The following PIEZO2 variants were observed in gnomAD, a reference collection of about 807,000 sequenced individuals.
The protein encoded by PIEZO2 is piezo-type mechanosensitive ion channel component 2.
In PIEZO2, 172 loss-of-function variants were observed where a neutral mutation model predicts 337.3. The observed-to-expected ratio is 0.51, with a 90% CI of 0.45 to 0.58. The LOEUF (loss-of-function observed/expected upper bound fraction) is 0.58, where lower values mean the gene tolerates loss of function less well. PIEZO2 is among the 20% of genes least tolerant of loss of function. The probability of loss-of-function intolerance (pLI) is 0.00; values close to 1 mark genes in which losing one functional copy is unlikely to be tolerated. For missense variants in PIEZO2, 3,028 were observed against 3,391.3 expected (o/e 0.89, Z 2.66); for synonymous variants, 1,251 against 1,228.5 (o/e 1.02, Z -0.38).
At chr18:10,838,175 C>T (rs967526144) in intron 7 of PIEZO2, among the ~76,000 whole-genome samples, 2 of 152,190 alleles carry the variant, frequency 1.3e-5, no homozygotes, top group Non-Finnish European at 2.9e-5. Flanking sequence ...TCCTATAATA[C>T]TGTCTTTTAC....
At chr18:11,122,252 G>C (rs1457937514) in intron 1 of PIEZO2, among the ~76,000 whole-genome samples, 3 of 152,130 alleles carry the variant, frequency 2.0e-5, no homozygotes, top group African/African-American at 7.2e-5. Context: ...ACCGCACCCA[G>C]CAAGAAGACT....
rs1457049065 is a variant in PIEZO2 at position 10,878,988 on chromosome 18, G to T, written c.330-7573C>A. Among the ~76,000 whole-genome samples the T allele has an allele frequency of 6.6e-6, 1 of 152,196 alleles. No individual in the cohort carries two copies. The highest frequency in any genetic ancestry group is 1.9e-4 in the East Asian group (1 of 5,202). On this transcript the variant is annotated intron_variant, in intron 4 of 55. Transcript: ENST00000674853. This position sits in a 1 kb window ranked among gnomAD's most constrained non-coding sequence, Gnocchi z 4.3. ...AAACTGAAAGCCACATGGAGTTTGT[G>T]CCTGGGAGCAAAGTCATGGCTGATG... is the stretch of plus-strand genomic sequence containing the variant.
chr18:10,770,348 A>T (rs1345303156), intron 20 of PIEZO2, 40 bp from the exon 21 acceptor site: 19 of 1,489,150 alleles, frequency 1.3e-5, no homozygotes, highest in Admixed American at 2.3e-5. Flanking sequence ...TAACATTTTT[A>T]AAAATATTAT....
At chr18:11,042,346 G>A (rs1003552215) in intron 2 of PIEZO2, among the ~76,000 whole-genome samples, 7 of 152,178 alleles carry the variant, frequency 4.6e-5, no homozygotes, top group African/African-American at 7.2e-5. Context: ...CCCCACCCAC[G>A]CAGGCCTGCA....
chr18:10,993,443 C>A lies in PIEZO2; in HGVS notation c.161-13783G>T, dbSNP rs1003303753. 6.6e-6 allele frequency among the ~76,000 whole-genome samples: 1 copy of A among 152,090 alleles called. No individual in the cohort carries two copies. The highest frequency in any genetic ancestry group is 2.4e-5 in the African/African-American group (1 of 41,430). On this transcript the variant is annotated intron_variant, in intron 2 of 55. Coordinates refer to ENST00000674853, the MANE Select transcript of PIEZO2 (RefSeq NM_001378183.1). The surrounding 1 kb of genome is among the most constrained non-coding windows in gnomAD (Gnocchi z 5.0). ...AAGGGGTGTTGAATTTTGTTGAAAG[C>A]CTTTTCTGCATCTATTGAGATAATC...
rs2037414031 is a variant in PIEZO2, at chr18:11,048,824, C to A, written c.160+17303G>T. On this transcript the variant is annotated intron_variant, in intron 2 of 55. Transcript: ENST00000674853. This position sits in a 1 kb window ranked among gnomAD's most constrained non-coding sequence, Gnocchi z 4.5. ...GACAGTTGCCTGGCATATAGCTATA[C>A]TGTGTTTCCTGTTTATTCTTCTTAT... Among the ~76,000 whole-genome samples the A allele has an allele frequency of 6.6e-6, 1 of 152,174 alleles. No individual in the cohort carries two copies. Among genetic ancestry groups the A allele is most frequent in the African/African-American group, 2.4e-5 (1 of 41,444 alleles).
chr18:10,830,455 T>TC lies in PIEZO2; in HGVS notation c.918-23182dup, dbSNP rs140566563. Among the ~76,000 whole-genome samples, 1 of 150,856 alleles carries TC rather than the reference T, an allele frequency of 6.6e-6. No homozygotes were observed. Among genetic ancestry groups the TC allele is most frequent in the Non-Finnish European group, 1.5e-5 (1 of 67,872 alleles). ...ACCATTTATTGAAGAGACTGTCCTTTCCCCCCTTTTATGCCTCTGGTTGCA... is the reference window on the plus strand; with the variant it reads ...ACCATTTATTGAAGAGACTGTCCTTTCCCCCCCTTTTATGCCTCTGGTTGCA... On this transcript the variant is annotated intron_variant, in intron 7 of 55. Transcript: ENST00000674853. This position sits in a 1 kb window ranked among gnomAD's most constrained non-coding sequence, Gnocchi z 4.7.
intron 27 of PIEZO2, among the ~76,000 whole-genome samples, chr18:10,754,578 G>T (rs781661159): frequency 5.9e-5 from 9 of 152,204 alleles, no homozygotes; most frequent in Non-Finnish European, 1.3e-4. Flanking sequence ...GGTTTTTCAT[G>T]AATACATTGA....
At chr18:11,050,997 T>C (rs1479347759) in intron 2 of PIEZO2, among the ~76,000 whole-genome samples, 1 of 152,056 alleles carries the variant, frequency 6.6e-6, no homozygotes, top group Non-Finnish European at 1.5e-5. Context: ...AAAAATATTT[T>C]GGGGGCAAGG....
chr18:11,072,090 G>A (rs1462068616), intron 1 of PIEZO2, among the ~76,000 whole-genome samples: 2 of 152,056 alleles, frequency 1.3e-5, no homozygotes, highest in Non-Finnish European at 2.9e-5. Flanking sequence ...AGATTTCTTA[G>A]TCCCTGGTAC....
rs960094886 is a variant in PIEZO2 at position 10,942,259 on chromosome 18, A to C, written c.287-31031T>G. 6.6e-6 allele frequency among the ~76,000 whole-genome samples: 1 copy of C among 152,212 alleles called. No homozygotes were observed. The highest frequency in any genetic ancestry group is 1.5e-5 in the Non-Finnish European group (1 of 68,040). On this transcript the variant is annotated intron_variant, in intron 3 of 55. Coordinates refer to ENST00000674853, the MANE Select transcript of PIEZO2 (RefSeq NM_001378183.1). The surrounding 1 kb of genome is among the most constrained non-coding windows in gnomAD (Gnocchi z 4.4). ...GAAAGCGATTTTGGAACTGGGTAAC[A>C]TGCAGAGGTTGGAACAGCTTAGAGG...
rs264246 is a variant in PIEZO2 at position 10,969,379 on chromosome 18, A to G, written c.286+10156T>C. Among the ~76,000 whole-genome samples, 79,851 of 151,824 alleles carry G rather than the reference A, an allele frequency of 0.53. 21,445 individuals are homozygous for G. The highest frequency in any genetic ancestry group is 0.61 in the African/African-American group (25,312 of 41,390). On this transcript the variant is annotated intron_variant, in intron 3 of 55. Coordinates refer to ENST00000674853, the MANE Select transcript of PIEZO2 (RefSeq NM_001378183.1). This position sits in a 1 kb window ranked among gnomAD's most constrained non-coding sequence, Gnocchi z 4.5. ...TGTCTTACAGCAAGGACTGGTCGGC[A>G]TGGTGGGGAGCAGACGGGCGTGAGG...
rs1298935667 is a variant in PIEZO2 at position 10,748,614 on chromosome 18, G to A, written c.4281C>T (p.Pro1427=). The A allele has an allele frequency of 6.8e-7, 1 of 1,479,794 alleles. No homozygotes were observed. The highest frequency in any genetic ancestry group is 8.9e-7 in the Non-Finnish European group (1 of 1,124,250). 91.7% of individuals were successfully genotyped at this position (1,479,794 alleles called of 1,614,324 possible). Residue 1427 remains proline, a synonymous_variant, in exon 30 of 56, where the codon CCC becomes CCT. Transcript: ENST00000674853. The surrounding 1 kb of genome is among the most constrained non-coding windows in gnomAD (Gnocchi z 5.1). ...CTGCTTCCCCACTGGGAAGTGTACA[G>A]GGTGAATTAGCAGCAGCTATAGTAA... ...KGYQMPAANS[P]CTLPSGEAGI... is the part of the protein sequence containing the mutation.
chr18:11,025,731 G>A (rs1329221759), intron 2 of PIEZO2, among the ~76,000 whole-genome samples: 4 of 152,116 alleles, frequency 2.6e-5, no homozygotes, highest in Admixed American at 1.3e-4. Context: ...CCCCATCCTC[G>A]AAGTTACTCA....
At position 10,942,300 on chromosome 18, in the gene PIEZO2, G is replaced by C. The variant is rs1480104885; in HGVS notation, c.287-31072C>G. 1.3e-5 allele frequency among the ~76,000 whole-genome samples: 2 copies of C among 152,176 alleles called. No homozygotes were observed. Among genetic ancestry groups the C allele is most frequent in the Non-Finnish European group, 2.9e-5 (2 of 68,032 alleles). On this transcript the variant is annotated intron_variant, in intron 3 of 55. Transcript: ENST00000674853. The surrounding 1 kb of genome is among the most constrained non-coding windows in gnomAD (Gnocchi z 4.4). ...AGCTTAGAGGGCTCAGAAGAAGACA[G>C]GAATATGTGGGAAAGCTTGGAACTC... is the stretch of plus-strand genomic sequence containing the variant.
At chr18:10,734,205 T>C (rs1432950012) in intron 35 of PIEZO2, among the ~76,000 whole-genome samples, 2 of 152,212 alleles carry the variant, frequency 1.3e-5, no homozygotes, top group Non-Finnish European at 2.9e-5. Context: ...GAAAGTCATA[T>C]GGTAGTCATA....
intron 5 of PIEZO2, among the ~76,000 whole-genome samples, chr18:10,865,333 A>G (rs1012364497): frequency 2.0e-5 from 3 of 152,232 alleles, no homozygotes; most frequent in African/African-American, 7.2e-5. Context: ...TGCAGCATCA[A>G]TTGGATAGGG....
chr18:11,133,782 A>AT (rs2040404775), intron 1 of PIEZO2, among the ~76,000 whole-genome samples: 1 of 148,418 alleles, frequency 6.7e-6, no homozygotes, highest in Non-Finnish European at 1.5e-5. Context: ...AATACTTAAT[A>AT]AACTCCTCTC....
Position 10,857,050 on chromosome 18 carries a change from C to G in PIEZO2, c.654G>C (p.Met218Ile), listed in dbSNP as rs146745925. ...ASKLKEFIGN[M>I]ITTAGKVVVT... Reference sequence around the variant, plus strand: ...CAACGACTTTCCCAGCAGTGGTGATCATGTTGCCAATGAACTCCTTGAGCT... The same window carrying G: ...CAACGACTTTCCCAGCAGTGGTGATGATGTTGCCAATGAACTCCTTGAGCT... Residue 218 changes from methionine (M) to isoleucine (I), a missense_variant, in exon 6 of 56, where the codon ATG becomes ATC. Coordinates refer to ENST00000674853, the MANE Select transcript of PIEZO2 (RefSeq NM_001378183.1). 1,203 of 1,537,380 alleles carry G rather than the reference C, an allele frequency of 7.8e-4. 1 individual carries two copies. Among genetic ancestry groups the G allele is most frequent in the Non-Finnish European group, 1.0e-3 (1,157 of 1,146,932 alleles).
Sources: gnomAD v4.1 joint callset for allele counts (sites outside exome capture counted in the v4.1 genomes callset) on GRCh38, gnomAD v4.1.1 for gene constraint, Gnocchi (gnomAD v3.1) non-coding constraint, MANE v1.5 for transcripts, NCBI Gene and HGNC (gene_info 2026-07-23, HGNC 2026-07-21) for gene names.